SDC2: variants seen among roughly 807,000 people sequenced by gnomAD.
The protein encoded by SDC2 is syndecan-2.
A neutral mutation model predicts 22.2 loss-of-function variants in SDC2; 13 were observed. The observed-to-expected ratio is 0.59, with a 90% CI of 0.38 to 0.93. The LOEUF is 0.93. Ranked by LOEUF, SDC2 falls within the 40% of genes least tolerant of loss-of-function variation. SDC2 has a pLI of 0.00. For synonymous variants in SDC2, 94 were observed against 92.8 expected (o/e 1.01, Z -0.07); for missense variants, 235 against 246.8 (o/e 0.95, Z 0.32).
At chr8:96,599,670 C>G (rs987572536) in intron 2 of SDC2, among the ~76,000 whole-genome samples, 4 of 152,152 alleles carry the variant, frequency 2.6e-5, no homozygotes, top group South Asian at 2.1e-4. Flanking sequence ...GAAACCAAGA[C>G]TCAAGTATTA....
rs1554601718 is a variant in SDC2 at position 96,540,340 on chromosome 8, G to GTATATATATATATATATATATA, written c.60+46025_60+46026insTATATATATATATATATATATA. ...AACCCTGTCTCTACTATATATATGT[G>GTATATATATATATATATATATA]TATATATATATATATAAAAATTAGT... On this transcript the variant is annotated intron_variant, in intron 1 of 4. Transcript: ENST00000302190. Among the ~76,000 whole-genome samples the GTATATATATATATATATATATA allele has an allele frequency of 8.3e-3, 1,021 of 123,494 alleles. 13 individuals carry two copies. Among genetic ancestry groups the GTATATATATATATATATATATA allele is most frequent in the African/African-American group, 0.025 (831 of 33,760 alleles). The allele number at this position is 123,494 out of a possible 152,430, so 81.0% of individuals were successfully genotyped here.
At chr8:96,586,119 G>A (rs1435506217) in intron 1 of SDC2, among the ~76,000 whole-genome samples, 1 of 152,156 alleles carries the variant, frequency 6.6e-6, no homozygotes, top group Non-Finnish European at 1.5e-5. Flanking sequence ...CTCATTGGAG[G>A]CCTTCTTCAT....
rs746963839 is a variant in SDC2 at position 96,571,855 on chromosome 8, A to G, written c.61-21625A>G. ...CTTTTGGAACCCAGAGGGAGCAATA[A>G]TAGTATCATTAGCGCCTTTGGATCC... On this transcript the variant is annotated intron_variant, in intron 1 of 4. Coordinates refer to ENST00000302190, the MANE Select transcript of SDC2 (RefSeq NM_002998.4). 2.5e-4 allele frequency among the ~76,000 whole-genome samples: 38 copies of G among 152,328 alleles called. 1 individual carries two copies. Among genetic ancestry groups the G allele is most frequent in the Non-Finnish European group, 4.9e-4 (33 of 68,030 alleles).
chr8:96,494,336 G>C lies in SDC2; in HGVS notation c.60+5G>C. Reference sequence around the variant, plus strand: ...GCCTGCGTGTCGGCGGAGTCGGTGAGTGGGCCAGGCGGAGGATGCGCGCGC... The same window carrying C: ...GCCTGCGTGTCGGCGGAGTCGGTGACTGGGCCAGGCGGAGGATGCGCGCGC... On this transcript the variant is annotated splice_donor_5th_base_variant and intron_variant, in intron 1 of 4. Transcript: ENST00000302190. 1 of 1,541,290 alleles carries C rather than the reference G, an allele frequency of 6.5e-7. No individual in the cohort carries two copies. Among genetic ancestry groups the C allele is most frequent in the South Asian group, 1.2e-5 (1 of 83,952 alleles).
At chr8:96,534,279 G>A (rs1813716382) in intron 1 of SDC2, among the ~76,000 whole-genome samples, 1 of 152,202 alleles carries the variant, frequency 6.6e-6, no homozygotes, top group African/African-American at 2.4e-5. Flanking sequence ...TGGGCTGAAG[G>A]GCCCACCTCT....
chr8:96,515,101 A>G (rs1335330298), intron 1 of SDC2, among the ~76,000 whole-genome samples: 1 of 152,216 alleles, frequency 6.6e-6, no homozygotes, highest in Non-Finnish European at 1.5e-5. Context: ...ACCTCTGGCA[A>G]ATCACTCAAC....
At chr8:96,523,435 G>T (rs1813527880) in intron 1 of SDC2, among the ~76,000 whole-genome samples, 1 of 152,194 alleles carries the variant, frequency 6.6e-6, no homozygotes, top group Non-Finnish European at 1.5e-5. Context: ...GCCCCTAATG[G>T]ATGGGATCTC....
chr8:96,538,331 A>G (rs991781700), intron 1 of SDC2, among the ~76,000 whole-genome samples: 2 of 152,194 alleles, frequency 1.3e-5, no homozygotes, highest in Non-Finnish European at 2.9e-5. Context: ...CAAAGTCAAT[A>G]TGAAAATGTG....
intron 2 of SDC2, among the ~76,000 whole-genome samples, chr8:96,597,227 C>G (rs1320849786): frequency 2.0e-5 from 3 of 152,176 alleles, no homozygotes; most frequent in Non-Finnish European, 4.4e-5. Flanking sequence ...TGTCTTCTCC[C>G]AGTCAGTTCC....
At chr8:96,508,015 G>A (rs1470944359) in intron 1 of SDC2, among the ~76,000 whole-genome samples, 2 of 151,514 alleles carry the variant, frequency 1.3e-5, no homozygotes, top group African/African-American at 4.9e-5. Context: ...TACAAAAATA[G>A]GCCAGGCGCG....
chr8:96,538,739 A>C (rs1813796157), intron 1 of SDC2: 3 of 152,262 alleles, frequency 2.0e-5, no homozygotes, highest in Admixed American at 1.3e-4. Flanking sequence ...TTAAGAATTC[A>C]ATCAAATCTT....
intron 1 of SDC2, among the ~76,000 whole-genome samples, chr8:96,528,594 G>A (rs1442793028): frequency 6.6e-6 from 1 of 152,070 alleles, no homozygotes; most frequent in African/African-American, 2.4e-5. Flanking sequence ...AAAGACTAGA[G>A]TTAATTATTT....
intron 1 of SDC2, among the ~76,000 whole-genome samples, chr8:96,558,495 C>A (rs1389457255): frequency 1.3e-5 from 2 of 152,082 alleles, no homozygotes; most frequent in African/African-American, 4.8e-5. Context: ...TCTTAAGGTT[C>A]TCATAACTAA....
At chr8:96,495,036 C>A (rs1813047582) in intron 1 of SDC2, among the ~76,000 whole-genome samples, 1 of 152,226 alleles carries the variant, frequency 6.6e-6, no homozygotes, top group South Asian at 2.1e-4. Flanking sequence ...GCGGCGACCC[C>A]CTCCTCGTTG....
chr8:96,576,414 C>A (rs376899419), intron 1 of SDC2, among the ~76,000 whole-genome samples: 1 of 14,868 alleles, frequency 6.7e-5, no homozygotes, highest in East Asian at 6.2e-4. Context: ...CTTTATTATT[C>A]TCTTTTTTTT....
intron 1 of SDC2, among the ~76,000 whole-genome samples, chr8:96,511,160 C>T (rs991347524): frequency 6.6e-6 from 1 of 152,162 alleles, no homozygotes; most frequent in African/African-American, 2.4e-5. Context: ...TGCATGCTAA[C>T]GTTCGAGAAC....
Position 96,540,340 on chromosome 8 carries a change from G to GTATATATACATATATA in SDC2, c.60+46017_60+46018insCATATATATATATATA, listed in dbSNP as rs1813826055. On this transcript the variant is annotated intron_variant, in intron 1 of 4. Coordinates refer to ENST00000302190, the MANE Select transcript of SDC2 (RefSeq NM_002998.4). Reference sequence around the variant, plus strand: ...AACCCTGTCTCTACTATATATATGTGTATATATATATATATAAAAATTAGT... The same window carrying GTATATATACATATATA: ...AACCCTGTCTCTACTATATATATGTGTATATATACATATATATATATATATATATATAAAAATTAGT... 4.0e-5 allele frequency among the ~76,000 whole-genome samples: 5 copies of GTATATATACATATATA among 123,688 alleles called. No individual in the cohort carries two copies. In the South Asian group the frequency reaches 1.5e-3, roughly 37 times the overall value. The allele number at this position is 123,688 out of a possible 152,430, so 81.1% of individuals were successfully genotyped here.
intron 2 of SDC2, 42 bp downstream of exon 2, chr8:96,593,633 C>A: frequency 1.7e-6 from 2 of 1,206,238 alleles, no homozygotes; most frequent in Non-Finnish European, 2.5e-6. Context: ...ATTCTCCAGG[C>A]ATGCACGCAC....
chr8:96,516,127 A>G (rs1813398256), intron 1 of SDC2, among the ~76,000 whole-genome samples: 1 of 152,180 alleles, frequency 6.6e-6, no homozygotes, highest in African/African-American at 2.4e-5. Context: ...ATGTAGCTGA[A>G]ACATACTGAA....
Sources: allele counts gnomAD v4.1 joint callset (sites outside exome capture counted in the v4.1 genomes callset), GRCh38; gene constraint gnomAD v4.1.1; transcripts MANE v1.5; gene names NCBI Gene and HGNC (gene_info 2026-07-23, HGNC 2026-07-21).